MAGI2: variants seen among roughly 807,000 people sequenced by gnomAD.
MAGI2 encodes the protein membrane-associated guanylate kinase, WW and PDZ domain-containing protein 2.
In MAGI2, 35 loss-of-function variants were observed where a neutral mutation model predicts 133.3. The ratio of observed to expected loss-of-function variants is 0.26; its 90% CI spans 0.20 to 0.35. The LOEUF (loss-of-function observed/expected upper bound fraction) is 0.35. Ranked by LOEUF, MAGI2 falls within the 10% of genes least tolerant of loss-of-function variation. The pLI is 1.00. For synonymous variants in MAGI2, 729 were observed against 710.6 expected (o/e 1.03, Z -0.41); for missense variants, 1,636 against 1,863.4 (o/e 0.88, Z 2.25).
At chr7:79,116,307 T>C (rs1819406823) in intron 1 of MAGI2, among the ~76,000 whole-genome samples, 1 of 152,202 alleles carries the variant, frequency 6.6e-6, no homozygotes, top group Non-Finnish European at 1.5e-5. Context: ...CATCACATTA[T>C]TGGACCCTCT....
intron 2 of MAGI2, among the ~76,000 whole-genome samples, chr7:78,834,008 C>A (rs1317586777): frequency 6.6e-6 from 1 of 152,086 alleles, no homozygotes; most frequent in Non-Finnish European, 1.5e-5. Flanking sequence ...CTTTAAAATT[C>A]AGTTTTTGGA....
chr7:79,413,697 G>T (rs10238315), intron 1 of MAGI2: 59,489 of 151,718 alleles, frequency 0.39, 14,014 homozygotes, highest in African/African-American at 0.66. Flanking sequence ...AGTGGTGCTG[G>T]TCTATAAGTT....
At chr7:78,531,619 G>A (rs895601183) in intron 3 of MAGI2, among the ~76,000 whole-genome samples, 9 of 152,018 alleles carry the variant, frequency 5.9e-5, no homozygotes, top group Non-Finnish European at 1.0e-4. Context: ...TTTATAAATG[G>A]GCATTTGTAC....
chr7:78,246,484 C>T (rs1791796925), intron 10 of MAGI2, among the ~76,000 whole-genome samples: 1 of 152,226 alleles, frequency 6.6e-6, no homozygotes, highest in Non-Finnish European at 1.5e-5. Flanking sequence ...GACACCCTGG[C>T]CCGCACGCAA....
At chr7:79,082,508 C>G (rs1816131674) in intron 1 of MAGI2, among the ~76,000 whole-genome samples, 1 of 152,038 alleles carries the variant, frequency 6.6e-6, no homozygotes, top group South Asian at 2.1e-4. Context: ...TCTTGGCATT[C>G]TTGTCAAAAA....
chr7:79,361,055 C>T (rs1334332192), intron 1 of MAGI2, among the ~76,000 whole-genome samples: 1 of 151,966 alleles, frequency 6.6e-6, no homozygotes, highest in African/African-American at 2.4e-5. Flanking sequence ...TTTTAAAAAT[C>T]AGGAATGGCT....
intron 1 of MAGI2, among the ~76,000 whole-genome samples, chr7:79,439,794 A>AACAC (rs147087384): frequency 1.3e-5 from 2 of 151,550 alleles, no homozygotes; most frequent in African/African-American, 4.8e-5. Context: ...CTTCCATCAT[A>AACAC]ACACACACAC....
chr7:78,547,566 C>T (rs537402174), intron 3 of MAGI2, among the ~76,000 whole-genome samples: 13 of 152,356 alleles, frequency 8.5e-5, no homozygotes, highest in Middle Eastern at 3.4e-3. Context: ...TATTTCAGGG[C>T]TGAGGATGGC....
At chr7:78,622,637 T>C (rs1807871390) in intron 3 of MAGI2, among the ~76,000 whole-genome samples, 1 of 151,888 alleles carries the variant, frequency 6.6e-6, no homozygotes, top group African/African-American at 2.4e-5. Context: ...ACACATTAAG[T>C]GGTAGCCCTA....
chr7:78,775,300 G>A (rs112683070), intron 2 of MAGI2, among the ~76,000 whole-genome samples: 40 of 117,024 alleles, frequency 3.4e-4, no homozygotes, highest in African/African-American at 9.9e-4. Flanking sequence ...GCGACAGAGC[G>A]AGACTCTGTC....
intron 6 of MAGI2, among the ~76,000 whole-genome samples, chr7:78,466,939 T>A (rs73703414): frequency 0.083 from 12,666 of 152,138 alleles, 1,075 homozygotes; most frequent in East Asian, 0.38. Flanking sequence ...GTAAAATTAA[T>A]GGGTATCTGT....
intron 2 of MAGI2, among the ~76,000 whole-genome samples, chr7:78,768,655 C>T (rs1825266882): frequency 6.6e-6 from 1 of 152,204 alleles, no homozygotes; most frequent in Admixed American, 6.5e-5. Flanking sequence ...GTACTCAAGT[C>T]TTTCTTGTCC....
At chr7:78,605,524 T>C (rs562759262) in intron 3 of MAGI2, among the ~76,000 whole-genome samples, 59 of 152,334 alleles carry the variant, frequency 3.9e-4, no homozygotes, top group Non-Finnish European at 6.3e-4. Flanking sequence ...TATTATATGC[T>C]ATTAACTATG....
chr7:79,193,900 A>G (rs866586632), intron 1 of MAGI2, among the ~76,000 whole-genome samples: 5 of 152,088 alleles, frequency 3.3e-5, no homozygotes, highest in Middle Eastern at 6.8e-3. Context: ...GAGGGCTTTG[A>G]CAAGCCATCA....
At chr7:78,241,026 T>A (rs1791080995) in intron 10 of MAGI2, among the ~76,000 whole-genome samples, 1 of 152,108 alleles carries the variant, frequency 6.6e-6, no homozygotes, top group Non-Finnish European at 1.5e-5. Flanking sequence ...TATTACTGTG[T>A]TTATTGTCTA....
intron 1 of MAGI2, among the ~76,000 whole-genome samples, chr7:79,250,335 C>A: frequency 7.7e-6 from 1 of 130,106 alleles, no homozygotes. Context: ...TTGGAAAAAG[C>A]TAATGACTCT....
At chr7:79,449,433 G>T (rs1283839085) in intron 1 of MAGI2, among the ~76,000 whole-genome samples, 2 of 149,858 alleles carry the variant, frequency 1.3e-5, no homozygotes. Context: ...AGGTCTCTAT[G>T]TGGTATTAGA....
intron 1 of MAGI2, among the ~76,000 whole-genome samples, chr7:79,437,326 GA>G (rs1848212498): frequency 6.6e-6 from 1 of 151,904 alleles, no homozygotes. Flanking sequence ...ACCTGTAGCA[GA>G]ATCTAAAATA....
chr7:79,431,789 T>C (rs2129187279), intron 1 of MAGI2, among the ~76,000 whole-genome samples: 1 of 152,316 alleles, frequency 6.6e-6, no homozygotes, highest in African/African-American at 2.4e-5. Context: ...CAGTTTGTGG[T>C]ACCTATCTAG....
Sources: gnomAD v4.1 joint callset for allele counts (sites outside exome capture counted in the v4.1 genomes callset) on GRCh38, gnomAD v4.1.1 for gene constraint, MANE v1.5 for transcripts, NCBI Gene and HGNC (gene_info 2026-07-23, HGNC 2026-07-21) for gene names.